VPS37A: variants seen among roughly 807,000 people sequenced by gnomAD.
VPS37A encodes the protein vacuolar protein sorting-associated protein 37A.
A neutral mutation model predicts 49.8 loss-of-function variants in VPS37A; 30 were observed. That is an observed-to-expected ratio of 0.60 (90% confidence interval 0.45 to 0.82). The LOEUF (loss-of-function observed/expected upper bound fraction) is 0.82, where lower values mean the gene tolerates loss of function less well. Among genes scored for constraint, VPS37A ranks in the 40% least tolerant of loss-of-function variants. The pLI, the probability that VPS37A is intolerant of heterozygous loss-of-function variation, is 0.00. For synonymous variants in VPS37A, 195 were observed against 160.6 expected, an observed-to-expected ratio of 1.21 and a Z score of -1.62; for missense variants, 593 against 464.4, an observed-to-expected ratio of 1.28 and a Z score of -2.55.
rs184427716 is a variant in VPS37A, at chr8:17,293,048, C to G, written c.*1-1939C>G. 3.9e-5 allele frequency among the ~76,000 whole-genome samples: 6 copies of G among 152,226 alleles called. No homozygotes were observed. In the East Asian group the frequency reaches 1.2e-3, roughly 29 times the overall value. Reference sequence around the variant, plus strand: ...TCCTGGATATCCTGAAGTGTGTTTTCCAACTTGGTTCCAGTCTCTCTGTCA... The same window carrying G: ...TCCTGGATATCCTGAAGTGTGTTTTGCAACTTGGTTCCAGTCTCTCTGTCA... On this transcript the variant is annotated intron_variant, in intron 11 of 11. Transcript: ENST00000324849.
chr8:17,263,168 A>G lies in VPS37A; in HGVS notation c.126-2739A>G, dbSNP rs550437946. Among the ~76,000 whole-genome samples the G allele has an allele frequency of 4.6e-5, 7 of 152,260 alleles. No individual in the cohort carries two copies. In the East Asian group the frequency reaches 7.7e-4, roughly 17 times the overall value. ...CAAAATTGATGTACAGTGTAATTAT[A>G]TTTTTATTTTAAATGAGGCTATGAA... On this transcript the variant is annotated intron_variant, in intron 1 of 11. Coordinates refer to ENST00000324849, the MANE Select transcript of VPS37A (RefSeq NM_152415.3).
intron 11 of VPS37A, among the ~76,000 whole-genome samples, chr8:17,294,303 C>A (rs1009803421): frequency 1.3e-5 from 2 of 152,158 alleles, no homozygotes; most frequent in African/African-American, 4.8e-5. Flanking sequence ...GCCCCTCCCC[C>A]CACCAAGCTC....
At chr8:17,306,723 C>G (rs1586144383), downstream of VPS37A, among the ~76,000 whole-genome samples, 1 of 152,210 alleles carries the variant, frequency 6.6e-6, no homozygotes, top group Non-Finnish European at 1.5e-5. Context: ...GAGCAATGAT[C>G]AGTTTTAGAG....
chr8:17,286,446 T>A lies in VPS37A; in HGVS notation c.*19T>A. On this transcript the variant is annotated intron_variant, in intron 11 of 11. Transcript: ENST00000324849. ...ACTATAGGTAAATTGTATTTCAAGT[T>A]TGAGTCTCAAGGTGATTGCATCAGT... The A allele has an allele frequency of 6.2e-7, 1 of 1,608,630 alleles. No individual in the cohort carries two copies. Among genetic ancestry groups the A allele is most frequent in the Non-Finnish European group, 8.5e-7 (1 of 1,176,242 alleles).
the VPS37A span, among the ~76,000 whole-genome samples, chr8:17,331,537 C>T: frequency 6.6e-6 from 1 of 152,204 alleles, no homozygotes; most frequent in Non-Finnish European, 1.5e-5. Flanking sequence ...CTGATAAACC[C>T]TTCTGGAGAT....
chr8:17,331,854 C>T, the VPS37A span, among the ~76,000 whole-genome samples: 1 of 152,330 alleles, frequency 6.6e-6, no homozygotes, highest in Non-Finnish European at 1.5e-5. Context: ...TCTCCAGAGA[C>T]ATTTCCACCA....
the VPS37A span, among the ~76,000 whole-genome samples, chr8:17,314,207 G>T: frequency 6.6e-6 from 1 of 152,168 alleles, no homozygotes; most frequent in African/African-American, 2.4e-5. Context: ...CAAAGTGGAG[G>T]TTTAGACCTA....
intron 1 of VPS37A, among the ~76,000 whole-genome samples, chr8:17,265,181 G>A (rs951361785): frequency 3.3e-5 from 5 of 152,148 alleles, no homozygotes; most frequent in Non-Finnish European, 5.9e-5. Flanking sequence ...ATGGCTATTA[G>A]AAGTCTAGTT....
At chr8:17,332,696 A>T in the VPS37A span, among the ~76,000 whole-genome samples, 1 of 152,242 alleles carries the variant, frequency 6.6e-6, no homozygotes, top group Non-Finnish European at 1.5e-5. Flanking sequence ...ACAAAATCAT[A>T]TAGGTCGAAC....
At chr8:17,280,515 A>C in intron 9 of VPS37A, 72 bp downstream of exon 9, 2 of 1,360,716 alleles carry the variant, frequency 1.5e-6, no homozygotes, top group Non-Finnish European at 1.0e-6. Flanking sequence ...TCCTGATCTC[A>C]CTTTCATTAT....
the VPS37A span, among the ~76,000 whole-genome samples, chr8:17,323,423 T>C: frequency 1.3e-5 from 2 of 151,852 alleles, no homozygotes; most frequent in East Asian, 3.9e-4. Context: ...GGAACCAAAC[T>C]GAAGGTAGGG....
At chr8:17,253,679 G>A (rs76345873) in intron 1 of VPS37A, among the ~76,000 whole-genome samples, 102 of 152,184 alleles carry the variant, frequency 6.7e-4, no homozygotes, top group African/African-American at 2.4e-3. Flanking sequence ...TTTTCCAGAA[G>A]ACCCCACTGC....
chr8:17,305,878 C>G (rs1422001737), downstream of VPS37A: 1 of 1,613,632 alleles, frequency 6.2e-7, no homozygotes. Flanking sequence ...GGAAATTGTT[C>G]CATTAACTGC....
chr8:17,254,642 T>A (rs1196631520), intron 1 of VPS37A, among the ~76,000 whole-genome samples: 2 of 152,046 alleles, frequency 1.3e-5, no homozygotes, highest in African/African-American at 2.4e-5. Flanking sequence ...CTTTTTTTTT[T>A]AAATGTTCAC....
chr8:17,309,890 A>C, the VPS37A span, among the ~76,000 whole-genome samples: 1 of 152,200 alleles, frequency 6.6e-6, no homozygotes, highest in African/African-American at 2.4e-5. Context: ...GGTATATTCA[A>C]AGCTTCAGCC....
chr8:17,265,826 T>C, intron 1 of VPS37A, 81 bp from the exon 2 acceptor site: 3 of 1,605,924 alleles, frequency 1.9e-6, no homozygotes, highest in Non-Finnish European at 2.6e-6. Context: ...GTAGTTTTAG[T>C]AGATTCTAGC....
At chr8:17,286,629 G>A in intron 11 of VPS37A, 1 of 478,934 alleles carries the variant, frequency 2.1e-6, no homozygotes, top group Non-Finnish European at 3.6e-6. Flanking sequence ...GATATTTTCT[G>A]TGATCTTGGC....
intron 11 of VPS37A, among the ~76,000 whole-genome samples, chr8:17,288,847 G>T (rs1045278655): frequency 6.6e-5 from 10 of 152,324 alleles, no homozygotes; most frequent in African/African-American, 2.4e-4. Context: ...CAGTGTAAAG[G>T]TGTTCCTATT....
chr8:17,313,164 T>C, the VPS37A span: 1 of 601,020 alleles, frequency 1.7e-6, no homozygotes, highest in African/African-American at 1.8e-5. Flanking sequence ...TACGGAGCTC[T>C]ACAAAGCTGG....
Sources: gnomAD v4.1 joint callset for allele counts (sites outside exome capture counted in the v4.1 genomes callset) on GRCh38, gnomAD v4.1.1 for gene constraint, MANE v1.5 for transcripts, NCBI Gene and HGNC (gene_info 2026-07-23, HGNC 2026-07-21) for gene names.